The following GLIS3 variants were observed in gnomAD, a reference collection of about 807,000 sequenced individuals.
GLIS3 encodes the protein GLIS family zinc finger 3, also known as zinc finger protein GLIS3.
GLIS3 carries 53 observed loss-of-function variants against 78.6 expected under a neutral mutation model. The observed-to-expected ratio is 0.67, with a 90% confidence interval of 0.54 to 0.85. GLIS3 has a LOEUF of 0.85. GLIS3 is among the 40% of genes least tolerant of loss of function. The probability of loss-of-function intolerance (pLI) is 0.00; values close to 1 mark genes in which losing one functional copy is unlikely to be tolerated. For synonymous variants in GLIS3, 684 were observed against 509.9 expected (o/e 1.34, Z -4.60); for missense variants, 1,703 against 1,231.1 (o/e 1.38, Z -5.74).
intron 2 of GLIS3, chr9:4,152,116 C>T: frequency 3.1e-6 from 3 of 983,054 alleles, no homozygotes; most frequent in Non-Finnish European, 3.6e-6. Context: ...ATTCAAACCT[C>T]TATTAGTTGC....
chr9:4,258,950 C>T (rs1246886052), intron 2 of GLIS3, among the ~76,000 whole-genome samples: 1 of 152,116 alleles, frequency 6.6e-6, no homozygotes, highest in African/African-American at 2.4e-5. Context: ...GTTTTTCAGA[C>T]TTTACTATCA....
chr9:4,306,546 C>T (rs996065734), intron 4 of GLIS3, among the ~76,000 whole-genome samples: 1 of 152,134 alleles, frequency 6.6e-6, no homozygotes, highest in Non-Finnish European at 1.5e-5. Context: ...GAATTCAGCA[C>T]CTAATAGGAA....
At chr9:3,997,485 T>G (rs1421253688) in intron 4 of GLIS3, among the ~76,000 whole-genome samples, 1 of 152,098 alleles carries the variant, frequency 6.6e-6, no homozygotes, top group Non-Finnish European at 1.5e-5. Context: ...GAAATGAACA[T>G]TTTATGCGAT....
chr9:4,358,362 T>A, the GLIS3 span, among the ~76,000 whole-genome samples: 4 of 152,192 alleles, frequency 2.6e-5, no homozygotes, highest in African/African-American at 9.7e-5. Context: ...GATAAATTTA[T>A]TCAATAATTA....
intron 2 of GLIS3, among the ~76,000 whole-genome samples, chr9:4,257,604 C>T (rs10118817): frequency 0.3 from 22,440 of 73,676 alleles, 1,784 homozygotes; most frequent in African/African-American, 0.32. Context: ...GACGGAGTCT[C>T]GCTCTGTCGC....
intron 6 of GLIS3, among the ~76,000 whole-genome samples, chr9:3,920,963 G>C (rs1220791212): frequency 1.3e-5 from 2 of 152,062 alleles, no homozygotes; most frequent in Non-Finnish European, 2.9e-5. Flanking sequence ...TTAGAGATTT[G>C]AAATGAGGAA....
chr9:4,168,063 G>A (rs74400329), intron 2 of GLIS3, among the ~76,000 whole-genome samples: 5,493 of 152,172 alleles, frequency 0.036, 124 homozygotes, highest in Middle Eastern at 0.092. Flanking sequence ...TACCTGGCCC[G>A]GTTAAATGCA....
At chr9:4,101,264 G>A (rs559187241) in intron 4 of GLIS3, among the ~76,000 whole-genome samples, 2 of 152,266 alleles carry the variant, frequency 1.3e-5, no homozygotes, top group African/African-American at 2.4e-5. Flanking sequence ...ATGGGACAGT[G>A]CTTTGTAAAC....
intron 2 of GLIS3, among the ~76,000 whole-genome samples, chr9:4,224,892 G>T (rs1479629480): frequency 6.6e-6 from 1 of 151,438 alleles, no homozygotes; most frequent in African/African-American, 2.4e-5. Flanking sequence ...GTAATGTTCT[G>T]GTATACATAA....
the GLIS3 span, among the ~76,000 whole-genome samples, chr9:4,357,561 CTGTGTG>C: frequency 5.9e-3 from 873 of 147,758 alleles, 11 homozygotes; most frequent in African/African-American, 0.021. Context: ...GAACTAATTC[CTGTGTG>C]TGTGTGTGTG....
At chr9:3,910,626 C>T (rs1234027809) in intron 6 of GLIS3, among the ~76,000 whole-genome samples, 1 of 152,190 alleles carries the variant, frequency 6.6e-6, no homozygotes, top group Non-Finnish European at 1.5e-5. Flanking sequence ...GCTGAGATTA[C>T]AGAGGCAGGC....
chr9:3,997,360 A>T (rs973292354), intron 4 of GLIS3, among the ~76,000 whole-genome samples: 2 of 151,872 alleles, frequency 1.3e-5, no homozygotes, highest in African/African-American at 4.9e-5. Flanking sequence ...TCTCAAGAAA[A>T]CAATAAAAAT....
intron 4 of GLIS3, among the ~76,000 whole-genome samples, chr9:4,079,296 A>C (rs553496906): frequency 6.6e-6 from 1 of 152,366 alleles, no homozygotes; most frequent in Admixed American, 6.5e-5. Flanking sequence ...AAATTAAAAG[A>C]TTGAAGCCCA....
At chr9:4,432,638 C>CTTTT in the GLIS3 span, among the ~76,000 whole-genome samples, 1 of 113,536 alleles carries the variant, frequency 8.8e-6, no homozygotes, top group Non-Finnish European at 1.8e-5. Context: ...TTTTTATTTC[C>CTTTT]TTTTTTTTTT....
intron 6 of GLIS3, among the ~76,000 whole-genome samples, chr9:3,909,925 A>G (rs1824017364): frequency 1.3e-5 from 2 of 152,200 alleles, no homozygotes; most frequent in Admixed American, 1.3e-4. Flanking sequence ...AGGAACTTTT[A>G]ATTTTATTTA....
chr9:3,951,072 C>A (rs773019064), intron 4 of GLIS3, among the ~76,000 whole-genome samples: 5 of 152,214 alleles, frequency 3.3e-5, no homozygotes, highest in Non-Finnish European at 7.3e-5. Flanking sequence ...ACATGAAATG[C>A]ATGTTTTCTA....
chr9:4,359,671 G>A, the GLIS3 span, among the ~76,000 whole-genome samples: 4 of 152,176 alleles, frequency 2.6e-5, no homozygotes, highest in Non-Finnish European at 5.9e-5. Flanking sequence ...GAACTAAAAT[G>A]TATTTAAAAT....
At chr9:4,212,737 A>C (rs184669951) in intron 2 of GLIS3, among the ~76,000 whole-genome samples, 68 of 152,342 alleles carry the variant, frequency 4.5e-4, no homozygotes, top group Non-Finnish European at 8.2e-4. Flanking sequence ...GAGATAGAAC[A>C]TGTGAGGAAC....
chr9:4,025,623 T>G (rs1252233326), intron 4 of GLIS3, among the ~76,000 whole-genome samples: 1 of 152,122 alleles, frequency 6.6e-6, no homozygotes, highest in African/African-American at 2.4e-5. Flanking sequence ...CCTGACCTTG[T>G]GATCCGCCCG....
Sources: gnomAD v4.1 joint callset for allele counts (sites outside exome capture counted in the v4.1 genomes callset) on GRCh38, gnomAD v4.1.1 for gene constraint, MANE v1.5 for transcripts, NCBI Gene and HGNC (gene_info 2026-07-23, HGNC 2026-07-21) for gene names.